KRTAP16-1: variants seen among roughly 807,000 people sequenced by gnomAD.
KRTAP16-1 encodes keratin associated protein 16-1.
For synonymous variants in KRTAP16-1, 262 were observed against 248.0 expected, an observed-to-expected ratio of 1.06 and a Z score of -0.53; for missense variants, 675 against 657.7, an observed-to-expected ratio of 1.03 and a Z score of -0.29.
Position 41,308,383 on chromosome 17 carries a change from G to T in KRTAP16-1, c.871C>A (p.Pro291Thr), listed in dbSNP as rs1331903131. Reference sequence around the variant, plus strand: ...TGGCAAGTGCTGGGGACAGAAGGTGGCTCGCACGAGCTCTGAACACAGCAG... The same window carrying T: ...TGGCAAGTGCTGGGGACAGAAGGTGTCTCGCACGAGCTCTGAACACAGCAG... ...PVCCVQSSCE[P>T]PSVPSTCQEP... is the part of the protein sequence containing the mutation. The change falls in exon 1 of 1, where the codon CCA becomes ACA. Residue 291 changes from proline to threonine, a missense_variant. Transcript: ENST00000391352. The T allele has an allele frequency of 6.4e-7, 1 of 1,550,586 alleles. No homozygotes were observed. Among genetic ancestry groups the T allele is most frequent in the Admixed American group, 2.0e-5 (1 of 51,002 alleles).
rs1392278676 is a variant in KRTAP16-1 at position 41,309,116 on chromosome 17, T to G, written c.138A>C (p.Gln46His). ...QSQTWQLVTCQDSCGSSSCGP... is the reference protein window; with the variant it reads ...QSQTWQLVTCHDSCGSSSCGP... ...CACAGCTGGATGATCCACAGCTGTC[T>G]TGACAAGTCACCAGCTGCCATGTCT... Residue 46 changes from glutamine (Q) to histidine (H), a missense_variant, in exon 1 of 1, where the codon CAA becomes CAC. Coordinates refer to ENST00000391352, the MANE Select transcript of KRTAP16-1 (RefSeq NM_001146182.2). 3 of 1,550,640 alleles carry G rather than the reference T, an allele frequency of 1.9e-6. No homozygotes were observed.
At position 41,308,826 on chromosome 17, in the gene KRTAP16-1, C is replaced by G; in HGVS notation, c.428G>C (p.Cys143Ser). The change falls in exon 1 of 1, where the codon TGT (cysteine) becomes TCT (serine). Residue 143 changes from cysteine to serine, a missense_variant. Cys to Ser is a moderately radical substitution (Grantham distance 112). Transcript: ENST00000391352. ...AGGTTGAGCACAGCTGCTCACGGAA[C>G]AAGAAGGCTCACAAACGGTGGCCTC... ...CFEATVCEPSCSVSSCAQPVC... is the reference protein window; with the variant it reads ...CFEATVCEPSSSVSSCAQPVC... 6.5e-7 allele frequency: 1 copy of G among 1,545,252 alleles called. No individual in the cohort carries two copies. The highest frequency in any genetic ancestry group is 8.7e-7 in the Non-Finnish European group (1 of 1,143,336).
In KRTAP16-1 at chr17:41,308,931, C is replaced by T; in HGVS notation, c.323G>A (p.Cys108Tyr). The T allele has an allele frequency of 3.9e-6, 6 of 1,550,440 alleles. No individual in the cohort carries two copies. Among genetic ancestry groups the T allele is most frequent in the Non-Finnish European group, 5.2e-6 (6 of 1,146,908 alleles). ...GGCCTCGAAGCACACAGGTTGGTAG[C>T]AGTTGCTCACAGAGCAAGAAGGCTC... ...TCEPSCSVSN[C>Y]YQPVCFEATI... Residue 108 changes from cysteine (C) to tyrosine (Y), a missense_variant, in exon 1 of 1, where the codon TGC (cysteine) becomes TAC (tyrosine). Physicochemically the swap from Cys to Tyr is radical, Grantham distance 194 (BLOSUM62 -2). Coordinates refer to ENST00000391352, the MANE Select transcript of KRTAP16-1 (RefSeq NM_001146182.2).
At position 41,308,301 on chromosome 17, in the gene KRTAP16-1, G is replaced by A; in HGVS notation, c.953C>T (p.Pro318Leu). 1 of 1,550,704 alleles carries A rather than the reference G, an allele frequency of 6.4e-7. No individual in the cohort carries two copies. Among genetic ancestry groups the A allele is most frequent in the Non-Finnish European group, 8.7e-7 (1 of 1,147,002 alleles). ...ICQPICSEPS[P>L]CSPAVCVSSP... is the part of the protein sequence containing the mutation. ...GGACACACAGACAGCTGGTGAGCAG[G>A]GGCTGGGCTCAGAGCAGATGGGTTG... Residue 318 changes from proline (P) to leucine (L), a missense_variant, in exon 1 of 1, where the codon CCC becomes CTC. Pro to Leu is a moderately conservative substitution (Grantham distance 98). Transcript: ENST00000391352.
In KRTAP16-1 at chr17:41,308,175, C is replaced by G. The variant is rs1057498624; in HGVS notation, c.1079G>C (p.Ser360Thr). The G allele has an allele frequency of 1.3e-5, 20 of 1,550,512 alleles. No homozygotes were observed. Among genetic ancestry groups the G allele is most frequent in the Non-Finnish European group, 1.6e-5 (18 of 1,147,006 alleles). ...PSTSCRPLSC[S>T]PGSSASAICR... The stretch of plus-strand genomic sequence containing the variant: ...GATGGCAGATGCAGAAGACCCTGGA[C>G]TGCAGGAAAGAGGTCGGCAGGAGGT... The change falls in exon 1 of 1, where the codon AGT (serine) becomes ACT (threonine). Residue 360 changes from serine to threonine, a missense_variant. By Grantham distance (58) the Ser-to-Thr change is moderately conservative. Coordinates refer to ENST00000391352, the MANE Select transcript of KRTAP16-1 (RefSeq NM_001146182.2).
Sources: gnomAD v4.1 joint callset for allele counts on GRCh38, gnomAD v4.1.1 for gene constraint, MANE v1.5 for transcripts, NCBI Gene and HGNC (gene_info 2026-07-23, HGNC 2026-07-21) for gene names.